The following GALNT17 variants were observed in gnomAD, a reference collection of about 807,000 sequenced individuals.
GALNT17 encodes the protein polypeptide N-acetylgalactosaminyltransferase 17, also known as UDP-GalNAc:polypeptide N-acetylgalactosaminyltransferase-like 3.
A neutral mutation model predicts 63.7 loss-of-function variants in GALNT17; 29 were observed. The observed-to-expected ratio is 0.46, with a 90% CI of 0.34 to 0.62. The LOEUF (loss-of-function observed/expected upper bound fraction) is 0.62. Ranked by LOEUF, GALNT17 falls within the 20% of genes least tolerant of loss-of-function variation. GALNT17 has a pLI of 0.01. For missense variants in GALNT17, 603 were observed against 799.6 expected (o/e 0.75, Z 2.97); for synonymous variants, 305 against 318.3 (o/e 0.96, Z 0.45).
At chr7:71,181,399 G>T (rs189652025) in intron 1 of GALNT17, among the ~76,000 whole-genome samples, 3,425 of 152,208 alleles carry the variant, frequency 0.023, 45 homozygotes, top group Middle Eastern at 0.041. Context: ...AAAAGAAAAG[G>T]GAGGGTCAAG....
intron 1 of GALNT17, among the ~76,000 whole-genome samples, chr7:71,300,146 G>A (rs993361621): frequency 3.3e-5 from 5 of 152,174 alleles, no homozygotes; most frequent in African/African-American, 9.7e-5. Context: ...GCCTGACACC[G>A]GAGGGGGAAC....
At position 71,589,493 on chromosome 7, in the gene GALNT17, G is replaced by A. The variant is rs150768545; in HGVS notation, c.1080+18091G>A. ...AGGCTGAGGCAGGAGGATGGCCTGA[G>A]CCCATGAGTTTGAAGCTGCAGTGAG... On this transcript the variant is annotated intron_variant, in intron 6 of 10. Coordinates refer to ENST00000333538, the MANE Select transcript of GALNT17 (RefSeq NM_022479.3). Among the ~76,000 whole-genome samples, 750 of 151,958 alleles carry A rather than the reference G, an allele frequency of 4.9e-3. 10 individuals carry two copies. Among genetic ancestry groups the A allele is most frequent in the African/African-American group, 0.017 (689 of 41,432 alleles).
intron 2 of GALNT17, among the ~76,000 whole-genome samples, chr7:71,359,286 A>T (rs2707438): frequency 6.6e-6 from 1 of 151,960 alleles, no homozygotes; most frequent in Admixed American, 6.6e-5. Flanking sequence ...AGGCTGTGCC[A>T]CCTCTCAGAG....
rs147810329 is a variant in GALNT17, at chr7:71,662,332, A to ATCTATCTG, written c.1081-3076_1081-3075insATCTGTCT. ...CATCTCTCTGTTTATCTATCTATCT[A>ATCTATCTG]TCTGTCTGTCTGTCTGTCTGTCTAT... On this transcript the variant is annotated intron_variant, in intron 6 of 10. Coordinates refer to ENST00000333538, the MANE Select transcript of GALNT17 (RefSeq NM_022479.3). 8.0e-4 allele frequency among the ~76,000 whole-genome samples: 121 copies of ATCTATCTG among 151,228 alleles called. No homozygotes were observed. In the Middle Eastern group the frequency reaches 0.014, roughly 17 times the overall value.
At chr7:71,641,208 C>G (rs906886216) in intron 6 of GALNT17, among the ~76,000 whole-genome samples, 1 of 152,162 alleles carries the variant, frequency 6.6e-6, no homozygotes, top group African/African-American at 2.4e-5. Flanking sequence ...ACAAAGTCTT[C>G]TTACACTTCT....
At chr7:71,359,310 AG>A (rs1470861537) in intron 2 of GALNT17, among the ~76,000 whole-genome samples, 1 of 152,166 alleles carries the variant, frequency 6.6e-6, no homozygotes, top group Non-Finnish European at 1.5e-5. Context: ...GGTGAAGAGG[AG>A]CCAGCGTGCA....
At chr7:71,539,778 G>A (rs1332156345) in intron 5 of GALNT17, among the ~76,000 whole-genome samples, 1 of 122,972 alleles carries the variant, frequency 8.1e-6, no homozygotes. Context: ...TCACAGCTCA[G>A]CAGCCTCTAA....
Position 71,571,401 on chromosome 7 carries a change from A to G in GALNT17, c.1079A>G (p.Lys360Arg). The G allele has an allele frequency of 6.2e-7, 1 of 1,612,898 alleles. No homozygotes were observed. Among genetic ancestry groups the G allele is most frequent in the Non-Finnish European group, 8.5e-7 (1 of 1,179,004 alleles). ...YGGENIELGI[K>R]VWLCGGSMEV... ...GGAGAAAATATTGAACTGGGAATCA[A>G]GGTTTGTGACATGGTGTCCCTTCCT... The change falls in exon 6 of 11, where the codon AAG becomes AGG. Residue 360 changes from lysine (K) to arginine (R), a missense_variant and splice_region_variant. Coordinates refer to ENST00000333538, the MANE Select transcript of GALNT17 (RefSeq NM_022479.3).
intron 5 of GALNT17, among the ~76,000 whole-genome samples, chr7:71,495,165 A>G (rs1055504380): frequency 3.9e-5 from 6 of 152,196 alleles, no homozygotes; most frequent in African/African-American, 1.4e-4. Flanking sequence ...AGTCCCAGCT[A>G]CTTGGGAAGC....
chr7:71,256,172 C>T (rs551502970), intron 1 of GALNT17, among the ~76,000 whole-genome samples: 121 of 152,300 alleles, frequency 7.9e-4, no homozygotes, highest in Non-Finnish European at 1.4e-3. Context: ...CTGAATCTGC[C>T]TGTGACCCGC....
intron 9 of GALNT17, among the ~76,000 whole-genome samples, chr7:71,677,814 C>T (rs553161514): frequency 6.6e-6 from 1 of 152,306 alleles, no homozygotes; most frequent in African/African-American, 2.4e-5. Context: ...CGTGCCCGGC[C>T]AAGGCTCACA....
At chr7:71,353,266 T>C (rs977894674) in intron 2 of GALNT17, among the ~76,000 whole-genome samples, 1 of 152,188 alleles carries the variant, frequency 6.6e-6, no homozygotes, top group South Asian at 2.1e-4. Context: ...CATGTGTATA[T>C]CTATTTTTTT....
At chr7:71,599,097 G>A (rs1789929101) in intron 6 of GALNT17, among the ~76,000 whole-genome samples, 1 of 152,016 alleles carries the variant, frequency 6.6e-6, no homozygotes, top group Admixed American at 6.6e-5. Context: ...TGGTGAGGTT[G>A]GAAAAGCAGG....
chr7:71,309,744 A>T (rs1031376481), intron 1 of GALNT17, among the ~76,000 whole-genome samples: 7 of 152,216 alleles, frequency 4.6e-5, no homozygotes, highest in Non-Finnish European at 8.8e-5. Context: ...ATTTGGGGTC[A>T]TGTAAATACA....
At chr7:71,370,809 T>C (rs540157606) in intron 2 of GALNT17, among the ~76,000 whole-genome samples, 1 of 152,166 alleles carries the variant, frequency 6.6e-6, no homozygotes, top group African/African-American at 2.4e-5. Flanking sequence ...TCTCTCTTTG[T>C]TGCCCAGGCT....
At chr7:71,269,716 T>C (rs1790552301) in intron 1 of GALNT17, among the ~76,000 whole-genome samples, 1 of 152,146 alleles carries the variant, frequency 6.6e-6, no homozygotes, top group African/African-American at 2.4e-5. Context: ...ATCCTAAAAT[T>C]GAGTTGTAGT....
chr7:71,670,905 T>TGTGC lies in GALNT17; in HGVS notation c.1404+799_1404+800insCGTG, dbSNP rs1010548007. Among the ~76,000 whole-genome samples, 692 of 118,086 alleles carry TGTGC rather than the reference T, an allele frequency of 5.9e-3. 5 individuals are homozygous for TGTGC. Among genetic ancestry groups the TGTGC allele is most frequent in the African/African-American group, 0.018 (670 of 36,366 alleles). 77.5% of individuals were successfully genotyped at this position (118,086 alleles called of 152,430 possible). ...CTGTGTGTGTGTGTGTGTGTGTGCG[T>TGTGC]GTGTGTGTGTGCATGTGTGTGTATA... On this transcript the variant is annotated intron_variant, in intron 8 of 10. Transcript: ENST00000333538.
chr7:71,230,033 A>G (rs116687884), intron 1 of GALNT17, among the ~76,000 whole-genome samples: 2,285 of 152,250 alleles, frequency 0.015, 71 homozygotes, highest in African/African-American at 0.052. Flanking sequence ...CAGAGGCTGC[A>G]AGGAAGAGCC....
intron 1 of GALNT17, among the ~76,000 whole-genome samples, chr7:71,145,036 G>C (rs1409398342): frequency 6.6e-6 from 1 of 152,082 alleles, no homozygotes; most frequent in African/African-American, 2.4e-5. Flanking sequence ...CTTGGGCTGG[G>C]GTTTTTAAGG....
Sources: gnomAD v4.1 joint callset for allele counts (sites outside exome capture counted in the v4.1 genomes callset) on GRCh38, gnomAD v4.1.1 for gene constraint, MANE v1.5 for transcripts, NCBI Gene and HGNC (gene_info 2026-07-23, HGNC 2026-07-21) for gene names.